The following CDHR5 variants were observed in gnomAD, a reference collection of about 807,000 sequenced individuals.
The protein encoded by CDHR5 is cadherin related family member 5.
A neutral mutation model predicts 69.5 loss-of-function variants in CDHR5; 82 were observed. The observed-to-expected ratio is 1.18, with a 90% CI of 0.99 to 1.42. The LOEUF (loss-of-function observed/expected upper bound fraction) is 1.42, where lower values mean the gene tolerates loss of function less well. Ranked by LOEUF, CDHR5 falls within the 40% of genes most tolerant of loss-of-function variation. The pLI, the probability that CDHR5 is intolerant of heterozygous loss-of-function variation, is 0.00. For synonymous variants in CDHR5, 601 were observed against 510.2 expected (o/e 1.18, Z -2.40); for missense variants, 1,293 against 1,168.9 (o/e 1.11, Z -1.55).
chr11:623,459 A>G (rs972634533), intron 3 of CDHR5, among the ~76,000 whole-genome samples: 1 of 152,114 alleles, frequency 6.6e-6, no homozygotes, highest in Non-Finnish European at 1.5e-5. Flanking sequence ...AATAAAGCCG[A>G]AAAAAATGCC....
In CDHR5 at chr11:620,120, G is replaced by A. The variant is rs201776327; in HGVS notation, c.925C>T (p.Leu309Phe). ...TFIIHPDSGN[L>F]TVARSVPSPM... The stretch of plus-strand genomic sequence containing the variant: ...CTGGGGACACTCCTGGCCACGGTGA[G>A]GTTGCCCGAGTCTGGGTGGATGATG... The change falls in exon 9 of 15, where the codon CTC becomes TTC. Residue 309 changes from leucine to phenylalanine, a missense_variant. By Grantham distance (22) the Leu-to-Phe change is conservative. Transcript: ENST00000397542. 1.5e-4 allele frequency: 247 copies of A among 1,613,510 alleles called. 1 individual carries two copies. Among genetic ancestry groups the A allele is most frequent in the Non-Finnish European group, 1.1e-4 (135 of 1,179,812 alleles).
chr11:623,002 T>G (rs1347504847), intron 3 of CDHR5, among the ~76,000 whole-genome samples: 2 of 152,012 alleles, frequency 1.3e-5, no homozygotes, highest in African/African-American at 4.8e-5. Flanking sequence ...TCCTGGAGAT[T>G]TATTTGTGAA....
In CDHR5 at chr11:617,924, G is replaced by A. The variant is rs529527562; in HGVS notation, c.2118+30C>T. On this transcript the variant is annotated intron_variant, in intron 14 of 14. Coordinates refer to ENST00000397542, the MANE Select transcript of CDHR5 (RefSeq NM_021924.5). Reference sequence around the variant, plus strand: ...CCCGTCCCCCACTTCCTGCCTGGTCGCCTGCCCTGTTCTCCATCCTGGGCC... The same window carrying A: ...CCCGTCCCCCACTTCCTGCCTGGTCACCTGCCCTGTTCTCCATCCTGGGCC... The A allele has an allele frequency of 5.6e-6, 9 of 1,599,980 alleles. No homozygotes were observed. In the East Asian group the frequency reaches 6.7e-5, roughly 12 times the overall value.
rs753493260 is a variant in CDHR5, at chr11:619,423, A to C, written c.1294-33T>G. On this transcript the variant is annotated intron_variant, in intron 11 of 14. Transcript: ENST00000397542. ...AGGAAGGGGCTTGTCCCTCCTAGAC[A>C]CATCTTTAAGCCCCACACCCTTGGA... 1.9e-6 allele frequency: 3 copies of C among 1,608,056 alleles called. No individual in the cohort carries two copies. In the South Asian group the frequency reaches 3.3e-5, roughly 18 times the overall value.
Position 619,849 on chromosome 11 carries a change from C to A in CDHR5, c.1011G>T (p.Val337=). 6.4e-7 allele frequency: 1 copy of A among 1,560,120 alleles called. No individual in the cohort carries two copies. Among genetic ancestry groups the A allele is most frequent in the Non-Finnish European group, 8.6e-7 (1 of 1,156,916 alleles). ...GQQADLARYS[V]TQVTVEAVAA... ...CCACAGCCTCCACGGTGACCTGGGTCACTGAGTAGCGGGCAAGGTCGGCCT... is the reference window on the plus strand; with the variant it reads ...CCACAGCCTCCACGGTGACCTGGGTAACTGAGTAGCGGGCAAGGTCGGCCT... Residue 337 remains valine, a synonymous_variant, in exon 10 of 15, where the codon GTG becomes GTT. Coordinates refer to ENST00000397542, the MANE Select transcript of CDHR5 (RefSeq NM_021924.5).
rs757752942 is a variant in CDHR5 at position 617,514 on chromosome 11, C to T, written c.2375G>A (p.Trp792Ter). The T allele has an allele frequency of 4.3e-6, 7 of 1,612,626 alleles. No individual in the cohort carries two copies. The highest frequency in any genetic ancestry group is 1.1e-5 in the South Asian group (1 of 91,086). ...RRPEGGYKAV[W>*]FGEDIGTEAD... Reference sequence around the variant, plus strand: ...CTCCGTCCCGATGTCCTCGCCAAACCAGACAGCCTTGTACCCGCCCTCCGG... The same window carrying T: ...CTCCGTCCCGATGTCCTCGCCAAACTAGACAGCCTTGTACCCGCCCTCCGG... The change falls in exon 15 of 15, where the codon TGG becomes TAG. Residue 792 changes from tryptophan to a stop codon, truncating the protein, a stop_gained. Coordinates refer to ENST00000397542, the MANE Select transcript of CDHR5 (RefSeq NM_021924.5). LOFTEE classifies it low-confidence loss of function (END_TRUNC).
Position 621,920 on chromosome 11 carries a change from G to T in CDHR5, c.313-16C>A. 1 of 1,600,542 alleles carries T rather than the reference G, an allele frequency of 6.2e-7. No individual in the cohort carries two copies. Among genetic ancestry groups the T allele is most frequent in the Non-Finnish European group, 8.5e-7 (1 of 1,170,634 alleles). ...GCTGGGTCACCTGCAGGATGTGGCC[G>T]TCAGCCTCTCCCACAGCCCCTCCCC... is the stretch of plus-strand genomic sequence containing the variant. On this transcript the variant is annotated splice_polypyrimidine_tract_variant and intron_variant, in intron 3 of 14. Coordinates refer to ENST00000397542, the MANE Select transcript of CDHR5 (RefSeq NM_021924.5). The surrounding 1 kb of genome is among the most constrained non-coding windows in gnomAD (Gnocchi z 4.4).
rs1589929695 is a variant in CDHR5 at position 617,086 on chromosome 11, G to A, written c.*265C>T. 1.3e-5 allele frequency: 7 copies of A among 519,662 alleles called. No homozygotes were observed. The highest frequency in any genetic ancestry group is 3.2e-5 in the East Asian group (1 of 30,958). The allele number at this position is 519,662 out of a possible 1,614,324, so 32.2% of individuals were successfully genotyped here. A position where few individuals can be genotyped will look rare whatever the true frequency, so the allele number is the denominator to read the frequency against. ...AGCTGGCACAGAGCCTCGGGAAGGC[G>A]GCGGGCACTGCAGGTGGTTTACGGG... On this transcript the variant is annotated 3_prime_UTR_variant, in exon 15 of 15. Transcript: ENST00000397542.
At position 624,051 on chromosome 11, in the gene CDHR5, C is replaced by T. The variant is rs571057451; in HGVS notation, c.312+162G>A. ...GGTCAGTGACGGGGACTCCACAGCT[C>T]AGGGCAGAGTCTGGACTGGAGGAAA... is the stretch of plus-strand genomic sequence containing the variant. On this transcript the variant is annotated intron_variant, in intron 3 of 14. Coordinates refer to ENST00000397542, the MANE Select transcript of CDHR5 (RefSeq NM_021924.5). The surrounding 1 kb of genome is among the most constrained non-coding windows in gnomAD (Gnocchi z 5.3). 6.6e-6 allele frequency among the ~76,000 whole-genome samples: 1 copy of T among 152,174 alleles called. No homozygotes were observed. The highest frequency in any genetic ancestry group is 2.1e-4 in the South Asian group (1 of 4,830).
rs1292035242 is a variant in CDHR5, at chr11:624,671, C to T, written c.147G>A (p.Leu49=). The change falls in exon 2 of 15, where the codon CTG becomes CTA. Residue 49 remains leucine (L), a synonymous_variant. Transcript: ENST00000397542. This position sits in a 1 kb window ranked among gnomAD's most constrained non-coding sequence, Gnocchi z 5.3. The stretch of plus-strand genomic sequence containing the variant: ...GGCCCTCCGGGACGTGGATGTCCAC[C>T]AGCGGCTCGGTGACATTTGTGTTCT... ...VEENTNVTEP[L]VDIHVPEGQE... is the part of the protein sequence containing the mutation. 6.2e-7 allele frequency: 1 copy of T among 1,613,466 alleles called. No homozygotes were observed. The highest frequency in any genetic ancestry group is 8.5e-7 in the Non-Finnish European group (1 of 1,179,572).
At chr11:618,547 A>G in intron 13 of CDHR5, 52 bp downstream of exon 13, 1 of 1,600,432 alleles carries the variant, frequency 6.2e-7, no homozygotes, top group Non-Finnish European at 8.5e-7. Context: ...AGCGTTTCCC[A>G]TACCAGCCAA....
intron 14 of CDHR5, 66 bp downstream of exon 14, chr11:617,888 C>G: frequency 6.4e-7 from 1 of 1,558,750 alleles, no homozygotes; most frequent in Non-Finnish European, 8.7e-7. Flanking sequence ...CTGCCCTCCC[C>G]TCTCCTGTCC....
chr11:619,980 C>T, intron 9 of CDHR5, 87 bp downstream of exon 9: 1 of 1,367,040 alleles, frequency 7.3e-7, no homozygotes, highest in Non-Finnish European at 9.8e-7. Context: ...TGGCGGGGGC[C>T]CTGCCCCGGC....
At chr11:619,452 G>T in intron 11 of CDHR5, 22 bp downstream of exon 11, 1 of 1,606,066 alleles carries the variant, frequency 6.2e-7, no homozygotes, top group Non-Finnish European at 8.5e-7. Flanking sequence ...CCTTGGAGAT[G>T]CCCGCCTGCC....
rs1170781767 is a variant in CDHR5 at position 621,305 on chromosome 11, C to G, written c.618+40G>C. On this transcript the variant is annotated intron_variant, in intron 6 of 14. Transcript: ENST00000397542. This position sits in a 1 kb window ranked among gnomAD's most constrained non-coding sequence, Gnocchi z 4.4. ...CTGGGAGCAGCTGGGGCCGGGGGGC[C>G]TCAAGTGTGTGGGACTCGGGGCTGG... 3 of 1,611,708 alleles carry G rather than the reference C, an allele frequency of 1.9e-6. No individual in the cohort carries two copies. Among genetic ancestry groups the G allele is most frequent in the Non-Finnish European group, 2.5e-6 (3 of 1,178,762 alleles).
rs747921583 is a variant in CDHR5, at chr11:617,939, C to T, written c.2118+15G>A. On this transcript the variant is annotated intron_variant, in intron 14 of 14. Transcript: ENST00000397542. Reference sequence around the variant, plus strand: ...CTGCCTGGTCGCCTGCCCTGTTCTCCATCCTGGGCCTCACCGGAGCTTTGC... The same window carrying T: ...CTGCCTGGTCGCCTGCCCTGTTCTCTATCCTGGGCCTCACCGGAGCTTTGC... 26 of 1,608,486 alleles carry T rather than the reference C, an allele frequency of 1.6e-5. No individual in the cohort carries two copies. In the South Asian group the frequency reaches 2.2e-4, roughly 14 times the overall value.
chr11:620,464 C>A, intron 7 of CDHR5, 78 bp from the exon 8 acceptor site: 1 of 1,042,868 alleles, frequency 9.6e-7, no homozygotes. Context: ...GACTCCCCAT[C>A]AAGGGCAGGG....
rs775053567 is a variant in CDHR5 at position 620,194 on chromosome 11, G to C, written c.881-30C>G. On this transcript the variant is annotated intron_variant, in intron 8 of 14. Transcript: ENST00000397542. ...GAGGATGATGGAAGTGCTCAGCCCC[G>C]GCCCCCTGAGGCCCAGGGACCCAGC... 10 of 1,597,166 alleles carry C rather than the reference G, an allele frequency of 6.3e-6. No individual in the cohort carries two copies. The South Asian group carries it at 1.1e-4, about 18-fold the overall frequency.
Position 619,040 on chromosome 11 carries a change from C to T in CDHR5, c.1519G>A (p.Gly507Ser). 1.2e-6 allele frequency: 2 copies of T among 1,613,264 alleles called. No individual in the cohort carries two copies. The highest frequency in any genetic ancestry group is 1.1e-5 in the South Asian group (1 of 91,060). The change falls in exon 13 of 15, where the codon GGC (glycine) becomes AGC (serine). Residue 507 changes from glycine (G) to serine (S), a missense_variant. Gly to Ser is a moderately conservative substitution (Grantham distance 56). Coordinates refer to ENST00000397542, the MANE Select transcript of CDHR5 (RefSeq NM_021924.5). ...GGGTGPHPPS[G>S]TTLRPPTSST... ...GAGGTTGGTGGCCTCAGAGTTGTGC[C>T]AGAGGGTGGATGAGGGCCTGTGCCT... is the stretch of plus-strand genomic sequence containing the variant.
Sources: allele counts gnomAD v4.1 joint callset (sites outside exome capture counted in the v4.1 genomes callset), GRCh38; gene constraint gnomAD v4.1.1; non-coding constraint Gnocchi (gnomAD v3.1); transcripts MANE v1.5; gene names NCBI Gene and HGNC (gene_info 2026-07-23, HGNC 2026-07-21).